The following TMEM108 variants were observed in gnomAD, a reference collection of about 807,000 sequenced individuals.
The protein encoded by TMEM108 is cancer/testis antigen 124.
In TMEM108, 12 loss-of-function variants were observed where a neutral mutation model predicts 35.1. That is an observed-to-expected ratio of 0.34 (90% CI 0.22 to 0.55). The LOEUF is 0.55. Ranked by LOEUF, TMEM108 falls within the 20% of genes least tolerant of loss-of-function variation. The pLI, the probability that TMEM108 is intolerant of heterozygous loss-of-function variation, is 0.89. For missense variants in TMEM108, 680 were observed against 753.3 expected, an observed-to-expected ratio of 0.90 and a Z score of 1.14; for synonymous variants, 287 against 308.6, an observed-to-expected ratio of 0.93 and a Z score of 0.73.
intron 2 of TMEM108, among the ~76,000 whole-genome samples, chr3:133,122,624 G>A (rs1944366996): frequency 6.6e-6 from 1 of 152,118 alleles, no homozygotes; most frequent in African/African-American, 2.4e-5. Context: ...CCAGCACTTT[G>A]GGAGGCTGAG....
chr3:133,241,605 G>C (rs897304402), intron 3 of TMEM108, among the ~76,000 whole-genome samples: 4 of 131,844 alleles, frequency 3.0e-5, no homozygotes, highest in Non-Finnish European at 4.7e-5. Context: ...TTAGTTTCCT[G>C]TGGCTTTTTT....
chr3:133,292,564 G>T (rs1947087356), intron 3 of TMEM108, among the ~76,000 whole-genome samples: 1 of 152,216 alleles, frequency 6.6e-6, no homozygotes, highest in Admixed American at 6.5e-5. Flanking sequence ...AAATGTGTCA[G>T]GCATGAACAG....
chr3:133,163,434 A>C (rs556451413), intron 2 of TMEM108, among the ~76,000 whole-genome samples: 5 of 152,292 alleles, frequency 3.3e-5, no homozygotes, highest in African/African-American at 1.2e-4. Context: ...GCATTGTCCA[A>C]ATAGTCCTTA....
intron 2 of TMEM108, among the ~76,000 whole-genome samples, chr3:133,209,835 C>T (rs1344895696): frequency 3.3e-5 from 5 of 152,084 alleles, no homozygotes; most frequent in Non-Finnish European, 7.4e-5. Flanking sequence ...ATGCCAAGCT[C>T]ATAGTCTGGG....
intron 3 of TMEM108, among the ~76,000 whole-genome samples, chr3:133,250,367 C>A (rs370720192): frequency 2.6e-5 from 4 of 152,272 alleles, no homozygotes; most frequent in African/African-American, 2.4e-5. Context: ...TAAATATGTT[C>A]CTTCTTTCTT....
intron 3 of TMEM108, among the ~76,000 whole-genome samples, chr3:133,373,373 AGATAGATAGAT>A (rs1232419788): frequency 7.3e-6 from 1 of 136,638 alleles, no homozygotes; most frequent in Non-Finnish European, 1.6e-5. Context: ...AAAGAAATTT[AGATAGATAGAT>A]GATAGATAGA....
chr3:133,252,828 A>C (rs1361182698), intron 3 of TMEM108, among the ~76,000 whole-genome samples: 1 of 152,162 alleles, frequency 6.6e-6, no homozygotes, highest in Non-Finnish European at 1.5e-5. Flanking sequence ...AACATAAAAC[A>C]CCATATGTAT....
intron 2 of TMEM108, among the ~76,000 whole-genome samples, chr3:133,226,973 C>T (rs1946080751): frequency 6.6e-6 from 1 of 151,980 alleles, no homozygotes; most frequent in African/African-American, 2.4e-5. Flanking sequence ...TGCAGGGAAA[C>T]TCCCATTTTT....
intron 3 of TMEM108, among the ~76,000 whole-genome samples, chr3:133,242,426 T>G (rs1399367041): frequency 6.6e-6 from 1 of 152,090 alleles, no homozygotes; most frequent in Non-Finnish European, 1.5e-5. Flanking sequence ...TTTGGAGAAG[T>G]TTAACCATAA....
At chr3:133,324,860 C>T (rs573795744) in intron 3 of TMEM108, among the ~76,000 whole-genome samples, 2 of 152,232 alleles carry the variant, frequency 1.3e-5, no homozygotes, top group South Asian at 4.2e-4. Context: ...CCTGCGATCC[C>T]AGCTATTCAA....
rs746560995 is a variant in TMEM108 at position 133,286,394 on chromosome 3, T to G, written c.40+57043T>G. Reference sequence around the variant, plus strand: ...TGCTGCTCAGGCTGGTGTAGAGTGGTGTCTTCATAGCTCACTGTAACCTTG... The same window carrying G: ...TGCTGCTCAGGCTGGTGTAGAGTGGGGTCTTCATAGCTCACTGTAACCTTG... On this transcript the variant is annotated intron_variant, in intron 3 of 5. Transcript: ENST00000321871. Among the ~76,000 whole-genome samples, 290 of 152,234 alleles carry G rather than the reference T, an allele frequency of 1.9e-3. 1 individual carries two copies. The highest frequency in any genetic ancestry group is 3.1e-3 in the Non-Finnish European group (208 of 68,012).
At chr3:133,094,987 A>G (rs1943995090) in intron 2 of TMEM108, among the ~76,000 whole-genome samples, 2 of 152,190 alleles carry the variant, frequency 1.3e-5, no homozygotes, top group African/African-American at 2.4e-5. Flanking sequence ...GACTAAGTGA[A>G]TTAATTAATT....
chr3:133,302,285 G>GCA (rs373685145), intron 3 of TMEM108, among the ~76,000 whole-genome samples: 68 of 151,800 alleles, frequency 4.5e-4, no homozygotes, highest in African/African-American at 1.6e-3. Flanking sequence ...GCACGGGTGT[G>GCA]CACACACACA....
intron 3 of TMEM108, among the ~76,000 whole-genome samples, chr3:133,371,678 G>A: frequency 6.9e-6 from 1 of 145,796 alleles, no homozygotes. Context: ...GACCTTACCT[G>A]TCAACAGGAG....
chr3:133,201,038 T>C (rs879809231), intron 2 of TMEM108, among the ~76,000 whole-genome samples: 8 of 152,148 alleles, frequency 5.3e-5, no homozygotes, highest in African/African-American at 7.2e-5. Context: ...ATCACCAATA[T>C]ACTAAAAAAC....
At chr3:133,124,988 A>C (rs1944397544) in intron 2 of TMEM108, 1 of 152,184 alleles carries the variant, frequency 6.6e-6, no homozygotes, top group Non-Finnish European at 1.5e-5. Context: ...TTAACTCAGG[A>C]AAATTATATG....
At chr3:133,141,407 C>T (rs3849415) in intron 2 of TMEM108, among the ~76,000 whole-genome samples, 101,810 of 152,044 alleles carry the variant, frequency 0.67, 34,473 homozygotes, top group African/African-American at 0.75. Context: ...TGTGGCAGGA[C>T]TGGCAAAAGA....
At chr3:133,332,082 GCACA>G (rs66877804) in intron 3 of TMEM108, among the ~76,000 whole-genome samples, 54,818 of 150,822 alleles carry the variant, frequency 0.36, 10,689 homozygotes, top group Non-Finnish European at 0.44. Context: ...GTGCGCACGT[GCACA>G]CACACACACA....
intron 3 of TMEM108, among the ~76,000 whole-genome samples, chr3:133,375,360 T>G (rs796315696): frequency 6.6e-6 from 1 of 152,208 alleles, no homozygotes. Flanking sequence ...CCCACAACAA[T>G]TGTCCATATT....
Sources: gnomAD v4.1 joint callset for allele counts (sites outside exome capture counted in the v4.1 genomes callset) on GRCh38, gnomAD v4.1.1 for gene constraint, MANE v1.5 for transcripts, NCBI Gene and HGNC (gene_info 2026-07-23, HGNC 2026-07-21) for gene names.